Variants in ADGRB3 observed in about 807,000 individuals in gnomAD.
ADGRB3 encodes brain-specific angiogenesis inhibitor 3.
Under a neutral mutation model 193.4 loss-of-function variants are expected in ADGRB3, and 37 were observed. The ratio of observed to expected loss-of-function variants is 0.19; its 90% CI spans 0.15 to 0.25. The LOEUF (loss-of-function observed/expected upper bound fraction) is 0.25. Among genes scored for constraint, ADGRB3 ranks in the 10% least tolerant of loss-of-function variants. The pLI, the probability that ADGRB3 is intolerant of heterozygous loss-of-function variation, is 1.00. For synonymous variants in ADGRB3, 690 were observed against 644.2 expected (o/e 1.07, Z -1.08); for missense variants, 1,637 against 1,852.9 (o/e 0.88, Z 2.14).
At chr6:68,730,090 A>C (rs1480401527) in intron 3 of ADGRB3, among the ~76,000 whole-genome samples, 1 of 151,688 alleles carries the variant, frequency 6.6e-6, no homozygotes, top group Non-Finnish European at 1.5e-5. Flanking sequence ...TAAAGGTCTT[A>C]CTCATTTTTA....
intron 17 of ADGRB3, among the ~76,000 whole-genome samples, chr6:69,169,434 A>G (rs1398295527): frequency 6.6e-6 from 1 of 151,578 alleles, no homozygotes; most frequent in Non-Finnish European, 1.5e-5. Flanking sequence ...CACTATAGTT[A>G]CAATGAGTAA....
chr6:68,862,131 A>AC (rs34902902), intron 3 of ADGRB3, among the ~76,000 whole-genome samples: 291 of 141,344 alleles, frequency 2.1e-3, no homozygotes, highest in East Asian at 9.1e-3. Flanking sequence ...AGGAGGAGGG[A>AC]CCCCCCCCCC....
At chr6:68,710,330 G>T (rs1381135058) in intron 3 of ADGRB3, among the ~76,000 whole-genome samples, 1 of 151,876 alleles carries the variant, frequency 6.6e-6, no homozygotes. Flanking sequence ...CTTCCCTCCG[G>T]CTCACCAGGC....
intron 20 of ADGRB3, among the ~76,000 whole-genome samples, chr6:69,310,511 G>T (rs1205742037): frequency 6.6e-6 from 1 of 151,658 alleles, no homozygotes; most frequent in Non-Finnish European, 1.5e-5. Flanking sequence ...TACATTCTGG[G>T]CTGACAAAAG....
chr6:69,154,570 T>C (rs1774776974), intron 17 of ADGRB3, among the ~76,000 whole-genome samples: 1 of 152,220 alleles, frequency 6.6e-6, no homozygotes. Context: ...CTTCCTCCTT[T>C]GCCTGGCAAA....
intron 20 of ADGRB3, among the ~76,000 whole-genome samples, chr6:69,292,558 A>T (rs1251340832): frequency 6.6e-6 from 1 of 151,158 alleles, no homozygotes; most frequent in Non-Finnish European, 1.5e-5. Context: ...TCCACTCCCC[A>T]CCCCTTTTTC....
chr6:68,692,981 T>C (rs1468287114), intron 3 of ADGRB3, among the ~76,000 whole-genome samples: 1 of 151,098 alleles, frequency 6.6e-6, no homozygotes, highest in East Asian at 1.9e-4. Flanking sequence ...TAATATATAT[T>C]ATAAATATTA....
intron 11 of ADGRB3, among the ~76,000 whole-genome samples, chr6:68,999,680 C>T (rs967164051): frequency 3.9e-5 from 6 of 152,134 alleles, no homozygotes; most frequent in Non-Finnish European, 7.4e-5. Flanking sequence ...TTTTTTTCTA[C>T]TTCTGTGGGC....
At chr6:69,236,715 C>T (rs1231857295) in intron 19 of ADGRB3, among the ~76,000 whole-genome samples, 1 of 152,036 alleles carries the variant, frequency 6.6e-6, no homozygotes, top group African/African-American at 2.4e-5. Context: ...ATATCACTAA[C>T]ACTAGCATAT....
intron 1 of ADGRB3, among the ~76,000 whole-genome samples, chr6:68,636,958 C>CA (rs34410124): frequency 0.23 from 27,404 of 119,342 alleles, 3,080 homozygotes; most frequent in South Asian, 0.36. Context: ...AGTGCAACAC[C>CA]AAAAAAAAAA....
At chr6:69,322,815 A>G (rs1156358270) in intron 20 of ADGRB3, among the ~76,000 whole-genome samples, 1 of 151,972 alleles carries the variant, frequency 6.6e-6, no homozygotes, top group Non-Finnish European at 1.5e-5. Context: ...TTACCTCCAT[A>G]CTTGGAGCAA....
intron 8 of ADGRB3, among the ~76,000 whole-genome samples, chr6:68,963,826 T>C (rs559427500): frequency 1.3e-5 from 2 of 152,262 alleles, no homozygotes; most frequent in South Asian, 4.1e-4. Context: ...TTGTTTGATA[T>C]TTCCTTATTA....
At chr6:69,115,789 G>C (rs1842743) in intron 17 of ADGRB3, among the ~76,000 whole-genome samples, 100,181 of 152,022 alleles carry the variant, frequency 0.66, 34,372 homozygotes, top group East Asian at 0.95. Context: ...CATGCTTATG[G>C]TCTCCCAAGA....
At chr6:69,101,914 G>A (rs1562160085) in intron 17 of ADGRB3, among the ~76,000 whole-genome samples, 1 of 152,126 alleles carries the variant, frequency 6.6e-6, no homozygotes, top group South Asian at 2.1e-4. Flanking sequence ...TCTCGGCCGG[G>A]CTCAGTGGCT....
chr6:68,690,042 G>T (rs573093103), intron 3 of ADGRB3, among the ~76,000 whole-genome samples: 1 of 152,226 alleles, frequency 6.6e-6, no homozygotes, highest in East Asian at 1.9e-4. Flanking sequence ...GTGGTTATAG[G>T]TGTAAGTGGG....
chr6:69,240,130 G>A (rs1434464394), intron 20 of ADGRB3, among the ~76,000 whole-genome samples: 13 of 152,054 alleles, frequency 8.5e-5, no homozygotes, highest in Admixed American at 2.6e-4. Context: ...ATGTATTAAT[G>A]TCAAGGATAA....
chr6:69,380,953 T>C (rs1157369071), intron 30 of ADGRB3, among the ~76,000 whole-genome samples: 1 of 151,832 alleles, frequency 6.6e-6, no homozygotes, highest in African/African-American at 2.4e-5. Context: ...AATAACTCTA[T>C]ATTATAAGAT....
At chr6:69,179,827 T>C (rs777623715) in intron 17 of ADGRB3, among the ~76,000 whole-genome samples, 2 of 152,210 alleles carry the variant, frequency 1.3e-5, no homozygotes, top group East Asian at 1.9e-4. Flanking sequence ...GTGACACTTA[T>C]GGGTAAGAGC....
intron 2 of ADGRB3, 52 bp downstream of exon 2, chr6:68,637,614 AAAAG>A (rs1317182289): frequency 3.3e-5 from 5 of 151,646 alleles, no homozygotes; most frequent in African/African-American, 1.2e-4. Context: ...TTAAAATTAA[AAAAG>A]AAAAGAAAAG....
Sources: allele counts gnomAD v4.1 joint callset (sites outside exome capture counted in the v4.1 genomes callset), GRCh38; gene constraint gnomAD v4.1.1; transcripts MANE v1.5; gene names NCBI Gene and HGNC (gene_info 2026-07-23, HGNC 2026-07-21).